Variants in PPARGC1A observed in about 807,000 individuals in gnomAD.
PPARGC1A encodes PPARG coactivator 1 alpha.
A neutral mutation model predicts 88.7 loss-of-function variants in PPARGC1A; 25 were observed. The observed-to-expected ratio is 0.28, with a 90% CI of 0.21 to 0.39. The LOEUF (loss-of-function observed/expected upper bound fraction) is 0.39. PPARGC1A is among the 10% of genes least tolerant of loss of function. The pLI, the probability that PPARGC1A is intolerant of heterozygous loss-of-function variation, is 1.00. For missense variants in PPARGC1A, 880 were observed against 968.7 expected (o/e 0.91, Z 1.22); for synonymous variants, 363 against 355.6 (o/e 1.02, Z -0.24).
At chr4:24,106,763 T>C in the PPARGC1A span, among the ~76,000 whole-genome samples, 1 of 152,218 alleles carries the variant, frequency 6.6e-6, no homozygotes, top group Non-Finnish European at 1.5e-5. Flanking sequence ...CGGTCAATAG[T>C]CTTAAAGCAA....
At chr4:24,153,736 G>A in the PPARGC1A span, among the ~76,000 whole-genome samples, 1 of 152,190 alleles carries the variant, frequency 6.6e-6, no homozygotes. Context: ...GGTTAATGGT[G>A]ACTCTGCTGA....
At chr4:24,286,728 CT>C in the PPARGC1A span, among the ~76,000 whole-genome samples, 1 of 152,202 alleles carries the variant, frequency 6.6e-6, no homozygotes, top group African/African-American at 2.4e-5. Context: ...TCACCCCAAA[CT>C]TTGGCAGCTT....
the PPARGC1A span, among the ~76,000 whole-genome samples, chr4:23,921,027 A>T: frequency 6.6e-6 from 1 of 152,120 alleles, no homozygotes; most frequent in Non-Finnish European, 1.5e-5. Flanking sequence ...TAAAAGGGAC[A>T]ATTGAGTCTC....
At chr4:23,950,877 G>C in the PPARGC1A span, among the ~76,000 whole-genome samples, 2 of 152,082 alleles carry the variant, frequency 1.3e-5, no homozygotes, top group Admixed American at 6.6e-5. Flanking sequence ...CAAGCACAGG[G>C]AAAACCCAAA....
the PPARGC1A span, among the ~76,000 whole-genome samples, chr4:24,208,682 A>AAAAAATATAT: frequency 3.1e-4 from 42 of 134,974 alleles, no homozygotes; most frequent in African/African-American, 1.1e-3. Flanking sequence ...TCAGAAAAAA[A>AAAAAATATAT]ATATATATAT....
At chr4:24,207,805 A>C in the PPARGC1A span, among the ~76,000 whole-genome samples, 9 of 152,254 alleles carry the variant, frequency 5.9e-5, no homozygotes. Context: ...AGGAATAAAT[A>C]AAAAACCTGA....
chr4:23,948,286 A>AT, the PPARGC1A span, among the ~76,000 whole-genome samples: 1 of 152,104 alleles, frequency 6.6e-6, no homozygotes, highest in Non-Finnish European at 1.5e-5. Flanking sequence ...TTCCTCTAAA[A>AT]ATATATATTA....
chr4:24,229,368 C>T, the PPARGC1A span, among the ~76,000 whole-genome samples: 2 of 148,842 alleles, frequency 1.3e-5, no homozygotes, highest in Non-Finnish European at 3.0e-5. Context: ...AGGCTGGTCT[C>T]GAACTTCTGA....
At chr4:24,429,324 T>C in the PPARGC1A span, among the ~76,000 whole-genome samples, 1 of 152,102 alleles carries the variant, frequency 6.6e-6, no homozygotes, top group South Asian at 2.1e-4. Flanking sequence ...CTGAGTTCTT[T>C]GGTATATCAG....
At chr4:24,318,120 GCTAT>G in the PPARGC1A span, among the ~76,000 whole-genome samples, 7 of 152,302 alleles carry the variant, frequency 4.6e-5, no homozygotes, top group East Asian at 5.8e-4. Context: ...CCAGTGTTGT[GCTAT>G]CTATTTTTAA....
At chr4:24,005,257 GA>G in the PPARGC1A span, among the ~76,000 whole-genome samples, 5 of 150,340 alleles carry the variant, frequency 3.3e-5, no homozygotes, top group South Asian at 6.3e-4. Flanking sequence ...GCTTTTGAAA[GA>G]AAAAAAAAGA....
the PPARGC1A span, among the ~76,000 whole-genome samples, chr4:24,208,096 TAA>T: frequency 2.0e-5 from 3 of 151,894 alleles, no homozygotes. Context: ...CTGAACAATA[TAA>T]AGAGACCCTC....
the PPARGC1A span, among the ~76,000 whole-genome samples, chr4:24,045,098 A>C: frequency 6.6e-6 from 1 of 152,164 alleles, no homozygotes; most frequent in Non-Finnish European, 1.5e-5. Context: ...CACAGAAGAG[A>C]TCATTCTAGC....
At chr4:24,262,771 G>GT in the PPARGC1A span, among the ~76,000 whole-genome samples, 50 of 147,534 alleles carry the variant, frequency 3.4e-4, no homozygotes, top group Admixed American at 4.1e-4. Context: ...CTGCTCCCTG[G>GT]TTTTTTTTTT....
chr4:24,149,793 A>G, the PPARGC1A span, among the ~76,000 whole-genome samples: 1 of 152,220 alleles, frequency 6.6e-6, no homozygotes, highest in Admixed American at 6.5e-5. Flanking sequence ...TTCCTCCTGC[A>G]TTAAGCTAGT....
At chr4:24,186,249 G>A in the PPARGC1A span, among the ~76,000 whole-genome samples, 1 of 152,118 alleles carries the variant, frequency 6.6e-6, no homozygotes, top group Non-Finnish European at 1.5e-5. Context: ...GAGAGACCTA[G>A]TGCCAAATGT....
chr4:24,186,108 A>T, the PPARGC1A span, among the ~76,000 whole-genome samples: 1 of 152,160 alleles, frequency 6.6e-6, no homozygotes, highest in Non-Finnish European at 1.5e-5. Context: ...GCCAATGATC[A>T]GCCCTACAAA....
chr4:23,945,436 A>T, the PPARGC1A span, among the ~76,000 whole-genome samples: 1 of 152,202 alleles, frequency 6.6e-6, no homozygotes, highest in South Asian at 2.1e-4. Flanking sequence ...ACAAGGGAAA[A>T]AAACCAGTGC....
the PPARGC1A span, among the ~76,000 whole-genome samples, chr4:24,189,214 C>G: frequency 6.6e-6 from 1 of 152,004 alleles, no homozygotes; most frequent in East Asian, 1.9e-4. Context: ...GAAAACAGTT[C>G]CGGAGATGGA....
Sources: gnomAD v4.1 joint callset for allele counts (sites outside exome capture counted in the v4.1 genomes callset) on GRCh38, gnomAD v4.1.1 for gene constraint, MANE v1.5 for transcripts, NCBI Gene and HGNC (gene_info 2026-07-23, HGNC 2026-07-21) for gene names.